The following RHOA variants were observed in gnomAD, a reference collection of about 807,000 sequenced individuals.
RHOA encodes the protein transforming protein RhoA.
In RHOA, 3 loss-of-function variants were observed where a neutral mutation model predicts 17.5. The ratio of observed to expected loss-of-function variants is 0.17; its 90% CI spans 0.08 to 0.44. The LOEUF (loss-of-function observed/expected upper bound fraction) is 0.44. RHOA is among the 20% of genes least tolerant of loss of function. RHOA has a pLI of 0.99. For synonymous variants in RHOA, 98 were observed against 88.4 expected (o/e 1.11, Z -0.61); for missense variants, 56 against 242.3 (o/e 0.23, Z 5.10).
Position 49,391,712 on chromosome 3 carries a change from T to C in RHOA, c.-2-16121A>G, listed in dbSNP as rs530066340. Among the ~76,000 whole-genome samples, 236 of 152,218 alleles carry C rather than the reference T, an allele frequency of 1.6e-3. 2 individuals carry two copies. The highest frequency in any genetic ancestry group is 1.1e-3 in the Non-Finnish European group (74 of 68,004). ...TTTTAGTAGAGACGGGGTTTCTCCATGTTGGTCAGGCTGGTCTGAACTTCC... is the reference window on the plus strand; with the variant it reads ...TTTTAGTAGAGACGGGGTTTCTCCACGTTGGTCAGGCTGGTCTGAACTTCC... On this transcript the variant is annotated intron_variant, in intron 1 of 4. Coordinates refer to ENST00000418115, the MANE Select transcript of RHOA (RefSeq NM_001664.4).
At chr3:49,385,259 C>T (rs777809051) in intron 1 of RHOA, among the ~76,000 whole-genome samples, 11 of 147,812 alleles carry the variant, frequency 7.4e-5, no homozygotes, top group Admixed American at 5.4e-4. Context: ...CTTACTCTGT[C>T]GCCCAGGCTG....
At position 49,398,839 on chromosome 3, in the gene RHOA, C is replaced by CAAAAAA. The variant is rs71080506; in HGVS notation, c.-3+12975_-3+12980dup. 1.4e-3 allele frequency among the ~76,000 whole-genome samples: 49 copies of CAAAAAA among 35,664 alleles called. 2 individuals carry two copies. The highest frequency in any genetic ancestry group is 4.6e-3 in the African/African-American group (32 of 6,944). The allele number at this position is 35,664 out of a possible 152,430, so 23.4% of individuals were successfully genotyped here. Reference sequence around the variant, plus strand: ...TGAGCGACACAGCGAGACTCCGTCTCAAAAAAAAAAAAAAAAAAAAAAAAA... The same window carrying CAAAAAA: ...TGAGCGACACAGCGAGACTCCGTCTCAAAAAAAAAAAAAAAAAAAAAAAAAAAAAAA... On this transcript the variant is annotated intron_variant, in intron 1 of 4. Transcript: ENST00000418115.
At chr3:49,369,710 T>G (rs1401117030) in intron 2 of RHOA, among the ~76,000 whole-genome samples, 2 of 147,822 alleles carry the variant, frequency 1.4e-5, no homozygotes, top group Non-Finnish European at 3.0e-5. Flanking sequence ...ACTCCAGCAC[T>G]CCAGCATGGG....
At chr3:49,387,764 A>AC (rs2048426287) in intron 1 of RHOA, among the ~76,000 whole-genome samples, 1 of 150,572 alleles carries the variant, frequency 6.6e-6, no homozygotes. Context: ...AAAAAAAAAA[A>AC]CCCTATTATG....
At chr3:49,395,960 T>C (rs1330885698) in intron 1 of RHOA, among the ~76,000 whole-genome samples, 1 of 152,096 alleles carries the variant, frequency 6.6e-6, no homozygotes, top group Non-Finnish European at 1.5e-5. Flanking sequence ...AAAAACAGCA[T>C]AGTCTTCCAG....
chr3:49,403,069 C>T (rs1364400246), intron 1 of RHOA, among the ~76,000 whole-genome samples: 3 of 151,142 alleles, frequency 2.0e-5, no homozygotes, highest in Non-Finnish European at 2.9e-5. Context: ...CCGCCGAGCG[C>T]GGTGGCTCAC....
At chr3:49,363,461 G>C (rs150067718) in intron 3 of RHOA, among the ~76,000 whole-genome samples, 1 of 152,142 alleles carries the variant, frequency 6.6e-6, no homozygotes, top group African/African-American at 2.4e-5. Context: ...GAGGCTGGGC[G>C]TGGTGACTCA....
At chr3:49,369,099 A>G (rs2048109940) in intron 2 of RHOA, among the ~76,000 whole-genome samples, 2 of 116,674 alleles carry the variant, frequency 1.7e-5, no homozygotes, top group Non-Finnish European at 3.3e-5. Context: ...ATCTTGGCTC[A>G]CTGCAAGCTC....
chr3:49,380,997 CTT>C (rs760030517), intron 1 of RHOA, among the ~76,000 whole-genome samples: 12 of 142,120 alleles, frequency 8.4e-5, no homozygotes, highest in Non-Finnish European at 7.7e-5. Flanking sequence ...AATCTAGTAA[CTT>C]TTTTTTTTTT....
intron 3 of RHOA, 97 bp downstream of exon 3, chr3:49,368,331 G>C (rs2048092455): frequency 6.9e-7 from 1 of 1,447,890 alleles, no homozygotes; most frequent in South Asian, 1.2e-5. Context: ...TTGCTTCTCT[G>C]AAGTTCATGT....
In RHOA at chr3:49,398,594, C is replaced by T. The variant is rs189536402; in HGVS notation, c.-3+13226G>A. Among the ~76,000 whole-genome samples the T allele has an allele frequency of 4.7e-3, 708 of 150,632 alleles. 4 individuals carry two copies. Among genetic ancestry groups the T allele is most frequent in the Middle Eastern group, 0.014 (4 of 290 alleles). On this transcript the variant is annotated intron_variant, in intron 1 of 4. Transcript: ENST00000418115. ...ATCCCAGCACTTTGGGAGGCCAAGG[C>T]GGGTGGATCACGAGGTCAGGAGATC...
intron 1 of RHOA, among the ~76,000 whole-genome samples, chr3:49,409,497 C>T (rs2107917405): frequency 6.6e-6 from 1 of 152,256 alleles, no homozygotes; most frequent in East Asian, 1.9e-4. Flanking sequence ...TGCAATTAAA[C>T]CCAAGGTGCT....
At position 49,390,308 on chromosome 3, in the gene RHOA, T is replaced by C. The variant is rs192006359; in HGVS notation, c.-2-14717A>G. 9.3e-5 allele frequency among the ~76,000 whole-genome samples: 14 copies of C among 150,812 alleles called. No individual in the cohort carries two copies. The East Asian group carries it at 2.8e-3, about 30-fold the overall frequency. ...CGCCACCACGCCCAGCTAATTTTTG[T>C]AGTTTTAGTAGAGACGGGGAACATC... On this transcript the variant is annotated intron_variant, in intron 1 of 4. Transcript: ENST00000418115.
chr3:49,365,313 T>C (rs1195682870), intron 3 of RHOA: 1 of 151,526 alleles, frequency 6.6e-6, no homozygotes, highest in East Asian at 2.0e-4. Context: ...CGGATGATTT[T>C]TTTGTATTTT....
intron 1 of RHOA, among the ~76,000 whole-genome samples, chr3:49,400,082 C>G (rs1029173972): frequency 6.6e-6 from 1 of 151,548 alleles, no homozygotes; most frequent in Non-Finnish European, 1.5e-5. Context: ...CATGGTGGCA[C>G]GTGCTTGTAA....
chr3:49,370,979 T>G (rs1300906046), intron 2 of RHOA, among the ~76,000 whole-genome samples: 1 of 152,196 alleles, frequency 6.6e-6, no homozygotes, highest in Non-Finnish European at 1.5e-5. Flanking sequence ...ACTGTACTTC[T>G]GTCATGCAAA....
At chr3:49,383,344 C>T (rs1346984662) in intron 1 of RHOA, among the ~76,000 whole-genome samples, 2 of 149,376 alleles carry the variant, frequency 1.3e-5, no homozygotes, top group African/African-American at 4.9e-5. Context: ...GGCGTGAACC[C>T]GGAAGGTGGA....
intron 3 of RHOA, 47 bp from the exon 4 acceptor site, chr3:49,362,673 TGAA>T (rs1217313648): frequency 6.6e-7 from 1 of 1,510,724 alleles, no homozygotes; most frequent in Non-Finnish European, 9.0e-7. Context: ...AATTCTATCT[TGAA>T]GACTTTCCAA....
At chr3:49,360,919 A>G in intron 4 of RHOA, 1 of 368,870 alleles carries the variant, frequency 2.7e-6, no homozygotes, top group Non-Finnish European at 5.4e-6. Context: ...CTAAAATACA[A>G]AAAATCACCT....
Sources: gnomAD v4.1 joint callset for allele counts (sites outside exome capture counted in the v4.1 genomes callset) on GRCh38, gnomAD v4.1.1 for gene constraint, MANE v1.5 for transcripts, NCBI Gene and HGNC (gene_info 2026-07-23, HGNC 2026-07-21) for gene names.